The following RGS6 variants were observed in gnomAD, a reference collection of about 807,000 sequenced individuals.
RGS6 encodes the protein regulator of G-protein signaling 6.
Under a neutral mutation model 78.5 loss-of-function variants are expected in RGS6, and 30 were observed. The observed-to-expected ratio is 0.38, with a 90% CI of 0.29 to 0.52. The LOEUF (loss-of-function observed/expected upper bound fraction) is 0.52. RGS6 is among the 20% of genes least tolerant of loss of function. RGS6 has a pLI of 0.85. For missense variants in RGS6, 495 were observed against 609.7 expected, an observed-to-expected ratio of 0.81 and a Z score of 1.98; for synonymous variants, 206 against 206.0, an observed-to-expected ratio of 1.00 and a Z score of 0.00.
intron 2 of RGS6, among the ~76,000 whole-genome samples, chr14:72,063,004 A>C (rs762140820): frequency 1.3e-5 from 2 of 152,140 alleles, no homozygotes; most frequent in Admixed American, 6.6e-5. Flanking sequence ...CTGTATTTTT[A>C]GCAGAGACAG....
intron 3 of RGS6, among the ~76,000 whole-genome samples, chr14:72,404,525 C>T (rs1305417129): frequency 2.0e-5 from 3 of 152,200 alleles, no homozygotes; most frequent in Admixed American, 2.0e-4. Flanking sequence ...GAGCTGTCCC[C>T]AGGTTGCAAG....
At chr14:72,007,824 A>G (rs934579234) in intron 2 of RGS6, among the ~76,000 whole-genome samples, 6 of 152,144 alleles carry the variant, frequency 3.9e-5, no homozygotes, top group Non-Finnish European at 8.8e-5. Context: ...AATTAAGCCT[A>G]AAGGGATTCC....
intron 2 of RGS6, among the ~76,000 whole-genome samples, chr14:72,148,133 A>G (rs2096633882): frequency 7.2e-6 from 1 of 138,122 alleles, no homozygotes; most frequent in Non-Finnish European, 1.6e-5. Context: ...TCCATCTAAA[A>G]AAAAAAAAAA....
chr14:72,575,971 C>T, the RGS6 span, among the ~76,000 whole-genome samples: 18,646 of 152,244 alleles, frequency 0.12, 1,226 homozygotes, highest in Middle Eastern at 0.21. Flanking sequence ...ACGGCCAGAG[C>T]CAGAGGCTCC....
chr14:72,478,064 C>G (rs1202951935), intron 11 of RGS6, among the ~76,000 whole-genome samples: 1 of 152,016 alleles, frequency 6.6e-6, no homozygotes, highest in Non-Finnish European at 1.5e-5. Flanking sequence ...GAGACAAAGG[C>G]TAAATTGCAG....
At chr14:72,590,128 G>A in the RGS6 span, among the ~76,000 whole-genome samples, 1 of 152,098 alleles carries the variant, frequency 6.6e-6, no homozygotes, top group South Asian at 2.1e-4. Context: ...AATTAAAAAG[G>A]CCAACAATAC....
At chr14:72,051,499 A>G (rs1392612580) in intron 2 of RGS6, among the ~76,000 whole-genome samples, 2 of 152,228 alleles carry the variant, frequency 1.3e-5, no homozygotes, top group East Asian at 1.9e-4. Flanking sequence ...TTAGAAAATT[A>G]TAATAGCCAA....
chr14:72,558,561 G>C (rs1286428100), intron 17 of RGS6, among the ~76,000 whole-genome samples: 1 of 152,206 alleles, frequency 6.6e-6, no homozygotes, highest in Non-Finnish European at 1.5e-5. Context: ...CTGCACAAAA[G>C]GGGGCTATTC....
chr14:72,461,323 G>A lies in RGS6; in HGVS notation c.394+1640G>A, dbSNP rs566003562. Among the ~76,000 whole-genome samples, 4 of 152,264 alleles carry A rather than the reference G, an allele frequency of 2.6e-5. No homozygotes were observed. The East Asian group carries it at 5.8e-4, about 22-fold the overall frequency. The stretch of plus-strand genomic sequence containing the variant: ...AAGTAAGATTAAAATATTTACTTCC[G>A]TAAAGCTTAGGGCATCTTATGCTGC... On this transcript the variant is annotated intron_variant, in intron 6 of 17. Coordinates refer to ENST00000553525, the MANE Select transcript of RGS6 (RefSeq NM_001204424.2).
chr14:72,053,231 T>A (rs1232858436), intron 2 of RGS6, among the ~76,000 whole-genome samples: 1 of 150,310 alleles, frequency 6.7e-6, no homozygotes, highest in Non-Finnish European at 1.5e-5. Flanking sequence ...GCGATTCTCC[T>A]GCCTCAACCT....
At chr14:72,051,099 T>C (rs39716) in intron 2 of RGS6, among the ~76,000 whole-genome samples, 12,120 of 152,268 alleles carry the variant, frequency 0.08, 647 homozygotes, top group Non-Finnish European at 0.11. Context: ...TTAACAATTA[T>C]ACTAGCACAA....
At chr14:71,875,229 C>T in the RGS6 span, among the ~76,000 whole-genome samples, 2 of 152,078 alleles carry the variant, frequency 1.3e-5, no homozygotes, top group Non-Finnish European at 2.9e-5. Context: ...GTACCAGCTC[C>T]TCTTTGTACC....
At chr14:72,001,632 T>C (rs1286762072) in intron 2 of RGS6, among the ~76,000 whole-genome samples, 1 of 152,144 alleles carries the variant, frequency 6.6e-6, no homozygotes, top group East Asian at 1.9e-4. Flanking sequence ...TCTTATTTTC[T>C]TTTACACCTT....
intron 3 of RGS6, among the ~76,000 whole-genome samples, chr14:72,353,982 T>TCAA (rs10658025): frequency 0.39 from 57,534 of 148,582 alleles, 13,033 homozygotes; most frequent in African/African-American, 0.64. Flanking sequence ...AGACTCTGTC[T>TCAA]CAGCAACAAC....
At chr14:72,360,569 A>G (rs1327551348) in intron 3 of RGS6, among the ~76,000 whole-genome samples, 1 of 151,556 alleles carries the variant, frequency 6.6e-6, no homozygotes, top group East Asian at 1.9e-4. Flanking sequence ...GAGGCATAAT[A>G]GATGCACAGA....
intron 2 of RGS6, among the ~76,000 whole-genome samples, chr14:72,351,864 A>G (rs1450676182): frequency 2.0e-5 from 3 of 152,170 alleles, no homozygotes; most frequent in Non-Finnish European, 4.4e-5. Flanking sequence ...TTGAACTGGG[A>G]TCTTGTTCCA....
intron 2 of RGS6, among the ~76,000 whole-genome samples, chr14:72,100,876 C>T (rs545659966): frequency 1.1e-4 from 16 of 152,258 alleles, no homozygotes; most frequent in African/African-American, 3.4e-4. Context: ...AATGTATGTT[C>T]GGCCAGGCAC....
At chr14:72,463,529 T>C (rs2095832738) in intron 6 of RGS6, among the ~76,000 whole-genome samples, 1 of 152,262 alleles carries the variant, frequency 6.6e-6, no homozygotes, top group Admixed American at 6.5e-5. Flanking sequence ...CCATGCATGA[T>C]AACTCACTTC....
rs2065280408 is a variant in RGS6 at position 72,298,344 on chromosome 14, T to G, written c.85-53751T>G. Among the ~76,000 whole-genome samples the G allele has an allele frequency of 2.0e-5, 3 of 151,908 alleles. No homozygotes were observed. In the South Asian group the frequency reaches 6.2e-4, roughly 32 times the overall value. ...ACTTGGCCGTGATATATTATTATTA[T>G]TATGTATGTGTGGATACATTTGAGT... On this transcript the variant is annotated intron_variant, in intron 2 of 17. Coordinates refer to ENST00000553525, the MANE Select transcript of RGS6 (RefSeq NM_001204424.2).
Sources: allele counts gnomAD v4.1 joint callset (sites outside exome capture counted in the v4.1 genomes callset), GRCh38; gene constraint gnomAD v4.1.1; transcripts MANE v1.5; gene names NCBI Gene and HGNC (gene_info 2026-07-23, HGNC 2026-07-21).